CSMD1: variants seen among roughly 807,000 people sequenced by gnomAD.
CSMD1 encodes CUB and sushi domain-containing protein 1.
CSMD1 carries 213 observed loss-of-function variants against 417.5 expected under a neutral mutation model. The observed-to-expected ratio is 0.51, with a 90% confidence interval of 0.46 to 0.57. The LOEUF (loss-of-function observed/expected upper bound fraction) is 0.57, where lower values mean the gene tolerates loss of function less well. Ranked by LOEUF, CSMD1 falls within the 20% of genes least tolerant of loss-of-function variation. The pLI is 0.00. For synonymous variants in CSMD1, 2,862 were observed against 1,736.8 expected, an observed-to-expected ratio of 1.65 and a Z score of -16.11; for missense variants, 6,923 against 4,529.7, an observed-to-expected ratio of 1.53 and a Z score of -15.17.
chr8:4,403,092 A>G (rs1020229499), intron 3 of CSMD1, among the ~76,000 whole-genome samples: 1 of 151,656 alleles, frequency 6.6e-6, no homozygotes, highest in South Asian at 2.1e-4. Context: ...CAGCCTCCCA[A>G]AGTGCTGGGA....
chr8:3,596,689 G>C (rs748303), intron 8 of CSMD1, among the ~76,000 whole-genome samples: 16,086 of 152,064 alleles, frequency 0.11, 1,374 homozygotes, highest in East Asian at 0.22. Flanking sequence ...AGCAACCACA[G>C]TATCCAGGCT....
At chr8:4,305,944 T>C (rs12056635) in intron 3 of CSMD1, among the ~76,000 whole-genome samples, 115,244 of 151,918 alleles carry the variant, frequency 0.76, 43,804 homozygotes, top group East Asian at 0.85. Flanking sequence ...ATAAACTGTA[T>C]TGCAGGGTAA....
chr8:3,896,633 T>G (rs1807386304), intron 5 of CSMD1, among the ~76,000 whole-genome samples: 1 of 152,024 alleles, frequency 6.6e-6, no homozygotes, highest in East Asian at 1.9e-4. Flanking sequence ...TGCCTCAGCC[T>G]CCCGAGTAGC....
At chr8:4,088,403 T>C (rs1263753898) in intron 3 of CSMD1, among the ~76,000 whole-genome samples, 3 of 152,244 alleles carry the variant, frequency 2.0e-5, no homozygotes, top group Non-Finnish European at 4.4e-5. Context: ...GTAACACCTT[T>C]TCTCAGGTTT....
chr8:4,334,746 T>C (rs904244102), intron 3 of CSMD1, among the ~76,000 whole-genome samples: 7 of 152,298 alleles, frequency 4.6e-5, no homozygotes, highest in Admixed American at 3.9e-4. Context: ...AACGATACGC[T>C]CGACTCTACT....
At chr8:3,518,551 A>T (rs551412791) in intron 10 of CSMD1, among the ~76,000 whole-genome samples, 1 of 152,370 alleles carries the variant, frequency 6.6e-6, no homozygotes, top group South Asian at 2.1e-4. Context: ...AGTAAAATGC[A>T]GTATCTATGT....
At position 2,952,808 on chromosome 8, in the gene CSMD1, G is replaced by T. The variant is rs146842569; in HGVS notation, c.10039+1416C>A. 9.2e-5 allele frequency among the ~76,000 whole-genome samples: 14 copies of T among 152,276 alleles called. No homozygotes were observed. In the East Asian group the frequency reaches 2.5e-3, roughly 27 times the overall value. On this transcript the variant is annotated intron_variant, in intron 65 of 69. Coordinates refer to ENST00000635120, the MANE Select transcript of CSMD1 (RefSeq NM_033225.6). ...AATGGGCCAGGCCTGGCTGGGTAGG[G>T]TAAGATACAACCAATGTCTTAGAAG...
chr8:4,915,024 A>T (rs1715940452), intron 1 of CSMD1, among the ~76,000 whole-genome samples: 1 of 152,214 alleles, frequency 6.6e-6, no homozygotes, highest in Non-Finnish European at 1.5e-5. Context: ...CATATTAGAT[A>T]TGAGAAACTG....
At chr8:3,719,816 G>A (rs1004075916) in intron 6 of CSMD1, among the ~76,000 whole-genome samples, 2 of 152,142 alleles carry the variant, frequency 1.3e-5, no homozygotes, top group Non-Finnish European at 2.9e-5. Flanking sequence ...TCTTTAACAG[G>A]AAAAATCTCC....
intron 5 of CSMD1, among the ~76,000 whole-genome samples, chr8:3,837,966 G>C (rs1357399074): frequency 6.6e-6 from 1 of 151,982 alleles, no homozygotes; most frequent in Non-Finnish European, 1.5e-5. Context: ...TATTTTTCAT[G>C]AGTTGAAATC....
intron 3 of CSMD1, among the ~76,000 whole-genome samples, chr8:4,397,946 A>G (rs1367397853): frequency 6.6e-6 from 1 of 152,148 alleles, no homozygotes; most frequent in African/African-American, 2.4e-5. Context: ...AGTAGGAAAA[A>G]ATGGGTTGTC....
chr8:3,571,338 C>G (rs905497575), intron 10 of CSMD1, among the ~76,000 whole-genome samples: 2 of 152,148 alleles, frequency 1.3e-5, no homozygotes, highest in Non-Finnish European at 2.9e-5. Context: ...TGCCTAATAG[C>G]ATACACATCT....
intron 5 of CSMD1, among the ~76,000 whole-genome samples, chr8:3,988,425 G>C (rs1563289140): frequency 2.6e-5 from 4 of 152,218 alleles, no homozygotes; most frequent in South Asian, 2.1e-4. Context: ...GTCTGTGTTT[G>C]TCAAATATGT....
chr8:4,955,372 T>C (rs1388194681), intron 1 of CSMD1, among the ~76,000 whole-genome samples: 2 of 152,098 alleles, frequency 1.3e-5, no homozygotes, highest in Non-Finnish European at 2.9e-5. Context: ...TTTATTATGA[T>C]TGGTGTCTTT....
chr8:4,787,519 G>T (rs1168486101), intron 1 of CSMD1: 3 of 1,096,942 alleles, frequency 2.7e-6, no homozygotes, highest in Non-Finnish European at 2.8e-6. Context: ...AGTTATTATA[G>T]GAAGCAGGTA....
intron 27 of CSMD1, among the ~76,000 whole-genome samples, chr8:3,225,820 G>A (rs1384122045): frequency 6.6e-6 from 1 of 152,196 alleles, no homozygotes; most frequent in South Asian, 2.1e-4. Flanking sequence ...TATTCTTCAA[G>A]TTAGTTTGCT....
intron 3 of CSMD1, among the ~76,000 whole-genome samples, chr8:4,265,779 C>G (rs1261310603): frequency 9.5e-6 from 1 of 104,752 alleles, no homozygotes; most frequent in Non-Finnish European, 2.6e-5. Flanking sequence ...TCAAGTTTCC[C>G]TAATGTGATG....
chr8:4,986,413 A>G (rs1346906996), intron 1 of CSMD1, among the ~76,000 whole-genome samples: 2 of 152,196 alleles, frequency 1.3e-5, no homozygotes, highest in Admixed American at 1.3e-4. Context: ...AGGAGGAAAA[A>G]GTTTCTCTAA....
At chr8:3,840,539 G>C (rs529206320) in intron 5 of CSMD1, among the ~76,000 whole-genome samples, 5 of 152,206 alleles carry the variant, frequency 3.3e-5, no homozygotes, top group African/African-American at 1.2e-4. Flanking sequence ...ATGCATTCAT[G>C]TAATTCAATC....
Sources: allele counts gnomAD v4.1 joint callset (sites outside exome capture counted in the v4.1 genomes callset), GRCh38; gene constraint gnomAD v4.1.1; transcripts MANE v1.5; gene names NCBI Gene and HGNC (gene_info 2026-07-23, HGNC 2026-07-21).